The following CWC27 variants were observed in gnomAD, a reference collection of about 807,000 sequenced individuals.
CWC27 encodes the protein CWC27 spliceosome associated cyclophilin.
In CWC27, 47 loss-of-function variants were observed where a neutral mutation model predicts 63.6. The observed-to-expected ratio is 0.74, with a 90% CI of 0.58 to 0.94. The LOEUF is 0.94. Among genes scored for constraint, CWC27 ranks in the 40% least tolerant of loss-of-function variants. The pLI is 0.00. For missense variants in CWC27, 495 were observed against 554.3 expected (o/e 0.89, Z 1.07); for synonymous variants, 175 against 179.8 (o/e 0.97, Z 0.22).
rs780124496 is a variant in CWC27 at position 64,885,505 on chromosome 5, A to C, written c.1001A>C (p.Lys334Thr). ...GAACTCTTAGCAGCAAAACAAAAAA[A>C]AGTAGAAAATGCAGCAAAACAAGCA... ...KRELLAAKQK[K>T]VENAAKQAEK... Residue 334 changes from lysine to threonine, a missense_variant, in exon 11 of 14, where the codon AAA becomes ACA. Physicochemically the swap from Lys to Thr is moderately conservative, Grantham distance 78. Transcript: ENST00000381070. The C allele has an allele frequency of 6.2e-7, 1 of 1,608,284 alleles. No homozygotes were observed. The highest frequency in any genetic ancestry group is 8.5e-7 in the Non-Finnish European group (1 of 1,177,214).
chr5:64,905,200 C>CAAAAAAAA (rs71608574), intron 11 of CWC27, among the ~76,000 whole-genome samples: 4 of 55,552 alleles, frequency 7.2e-5, no homozygotes, highest in African/African-American at 2.7e-4. Context: ...CACTACATCT[C>CAAAAAAAA]AAAAAAAAAA....
intron 11 of CWC27, among the ~76,000 whole-genome samples, chr5:64,892,286 C>T (rs897322125): frequency 6.6e-6 from 1 of 152,002 alleles, no homozygotes; most frequent in African/African-American, 2.4e-5. Context: ...ATATCTGTGT[C>T]ATTCCTGACC....
intron 10 of CWC27, among the ~76,000 whole-genome samples, chr5:64,812,540 C>A (rs888912077): frequency 3.3e-5 from 5 of 151,968 alleles, no homozygotes; most frequent in African/African-American, 1.2e-4. Flanking sequence ...AGTAGTAATC[C>A]AAATGTTGTA....
At chr5:64,883,614 A>G (rs557137792) in intron 10 of CWC27, among the ~76,000 whole-genome samples, 1 of 152,326 alleles carries the variant, frequency 6.6e-6, no homozygotes, top group Non-Finnish European at 1.5e-5. Context: ...AACATCATTG[A>G]ATGATAGAGG....
At chr5:64,903,850 C>A (rs965859601) in intron 11 of CWC27, among the ~76,000 whole-genome samples, 1 of 152,126 alleles carries the variant, frequency 6.6e-6, no homozygotes, top group Non-Finnish European at 1.5e-5. Context: ...TGACTGACTT[C>A]TTTTACCTGC....
intron 1 of CWC27, among the ~76,000 whole-genome samples, chr5:64,771,137 C>T (rs2112134248): frequency 6.6e-6 from 1 of 152,240 alleles, no homozygotes; most frequent in East Asian, 1.9e-4. Context: ...AGTTTTCATC[C>T]AAAAACAGCT....
intron 10 of CWC27, among the ~76,000 whole-genome samples, chr5:64,878,463 T>C (rs531813490): frequency 3.5e-4 from 29 of 82,736 alleles, no homozygotes; most frequent in African/African-American, 1.7e-3. Flanking sequence ...TGTCCTGGGT[T>C]ACAGATTAAA....
intron 10 of CWC27, among the ~76,000 whole-genome samples, chr5:64,837,162 C>G (rs1745678770): frequency 1.3e-5 from 2 of 152,068 alleles, no homozygotes; most frequent in Non-Finnish European, 1.5e-5. Context: ...AAATGAGGCT[C>G]TCTCTGCATT....
At chr5:64,813,453 A>G (rs985414508) in intron 10 of CWC27, among the ~76,000 whole-genome samples, 1 of 152,154 alleles carries the variant, frequency 6.6e-6, no homozygotes, top group African/African-American at 2.4e-5. Flanking sequence ...TACTGTTTTT[A>G]CAATTAGATT....
At chr5:64,967,243 T>A (rs897749404) in intron 11 of CWC27, among the ~76,000 whole-genome samples, 2 of 152,022 alleles carry the variant, frequency 1.3e-5, no homozygotes, top group African/African-American at 4.8e-5. Context: ...ACCAGCACCA[T>A]GACTGTACAT....
In CWC27 at chr5:64,769,190, TG is replaced by T. The variant is rs1743147913; in HGVS notation, c.42+3del. On this transcript the variant is annotated splice_donor_region_variant and intron_variant, in intron 1 of 13. Coordinates refer to ENST00000381070, the MANE Select transcript of CWC27 (RefSeq NM_005869.4). ...CAGGAGCCTCCCACGAATGGGAAGG[TG>T]AGAGCCTCATCTAGGGAACTTGGGG... The T allele has an allele frequency of 1.2e-6, 2 of 1,613,832 alleles. No homozygotes were observed. Among genetic ancestry groups the T allele is most frequent in the Non-Finnish European group, 1.7e-6 (2 of 1,179,848 alleles).
At chr5:64,816,900 T>C (rs1745047489) in intron 10 of CWC27, among the ~76,000 whole-genome samples, 1 of 152,126 alleles carries the variant, frequency 6.6e-6, no homozygotes, top group South Asian at 2.1e-4. Flanking sequence ...ACCCAGCATC[T>C]CTACCCCTCT....
At chr5:64,844,998 A>G in intron 10 of CWC27, 1 of 456,720 alleles carries the variant, frequency 2.2e-6, no homozygotes, top group South Asian at 1.5e-5. Flanking sequence ...AGAATTGCCC[A>G]TCCAGGGAAT....
At chr5:64,950,035 A>G (rs1220363824) in intron 11 of CWC27, among the ~76,000 whole-genome samples, 2 of 152,014 alleles carry the variant, frequency 1.3e-5, no homozygotes, top group Non-Finnish European at 2.9e-5. Flanking sequence ...AGACAATACC[A>G]AAAAATATAA....
At chr5:64,930,609 T>C (rs1287144983) in intron 11 of CWC27, among the ~76,000 whole-genome samples, 1 of 152,092 alleles carries the variant, frequency 6.6e-6, no homozygotes, top group Non-Finnish European at 1.5e-5. Flanking sequence ...AAAGATTAGT[T>C]TGGGCAAAAA....
chr5:64,985,252 G>C (rs1048579631), intron 13 of CWC27, among the ~76,000 whole-genome samples: 10 of 151,816 alleles, frequency 6.6e-5, no homozygotes, highest in Non-Finnish European at 1.3e-4. Flanking sequence ...GGCTATTCTA[G>C]TTCTTTTGCC....
intron 11 of CWC27, among the ~76,000 whole-genome samples, chr5:64,971,346 T>C (rs1749121321): frequency 6.6e-6 from 1 of 152,314 alleles, no homozygotes; most frequent in Non-Finnish European, 1.5e-5. Context: ...TTATATCTTC[T>C]AAGGCAAGGA....
At chr5:64,888,977 A>G (rs1747154367) in intron 11 of CWC27, among the ~76,000 whole-genome samples, 1 of 152,180 alleles carries the variant, frequency 6.6e-6, no homozygotes, top group African/African-American at 2.4e-5. Flanking sequence ...TCCTGATATA[A>G]TGCACTGAGA....
chr5:64,830,797 A>G (rs1344208412), intron 10 of CWC27, among the ~76,000 whole-genome samples: 1 of 152,204 alleles, frequency 6.6e-6, no homozygotes, highest in Non-Finnish European at 1.5e-5. Context: ...AAAGGAAGAC[A>G]TTTATGCAGC....
Sources: allele counts gnomAD v4.1 joint callset (sites outside exome capture counted in the v4.1 genomes callset), GRCh38; gene constraint gnomAD v4.1.1; transcripts MANE v1.5; gene names NCBI Gene and HGNC (gene_info 2026-07-23, HGNC 2026-07-21).